The following WDR76 variants were observed in gnomAD, a reference collection of about 807,000 sequenced individuals.
WDR76 encodes the protein WD repeat domain 76.
Under a neutral mutation model 70.2 loss-of-function variants are expected in WDR76, and 52 were observed. The ratio of observed to expected loss-of-function variants is 0.74; its 90% CI spans 0.59 to 0.93. The LOEUF (loss-of-function observed/expected upper bound fraction) is 0.93. WDR76 is among the 40% of genes least tolerant of loss of function. The pLI, the probability that WDR76 is intolerant of heterozygous loss-of-function variation, is 0.00. For missense variants in WDR76, 756 were observed against 760.2 expected, an observed-to-expected ratio of 0.99 and a Z score of 0.07; for synonymous variants, 292 against 271.1, an observed-to-expected ratio of 1.08 and a Z score of -0.76.
chr15:43,866,774 C>T lies in WDR76; in HGVS notation c.*382C>T, dbSNP rs1166720346. The T allele has an allele frequency of 2.4e-5, 4 of 170,142 alleles. No individual in the cohort carries two copies. The South Asian group carries it at 5.7e-4, about 24-fold the overall frequency. The allele number at this position is 170,142 out of a possible 1,614,324, so 10.5% of individuals were successfully genotyped here. On this transcript the variant is annotated 3_prime_UTR_variant, in exon 13 of 13. Transcript: ENST00000263795. Reference sequence around the variant, plus strand: ...CCTAAGTAGCTGGGATTACAGGCACCTGCCACCACGCCTGGCTATTTTTTT... The same window carrying T: ...CCTAAGTAGCTGGGATTACAGGCACTTGCCACCACGCCTGGCTATTTTTTT...
intron 2 of WDR76, among the ~76,000 whole-genome samples, chr15:43,830,903 C>T (rs952512385): frequency 2.6e-5 from 4 of 152,052 alleles, no homozygotes; most frequent in East Asian, 3.9e-4. Context: ...CAAATATTAG[C>T]CAGGCATGGT....
At chr15:43,831,004 T>C (rs1025929538) in intron 2 of WDR76, among the ~76,000 whole-genome samples, 4 of 151,578 alleles carry the variant, frequency 2.6e-5, no homozygotes, top group Non-Finnish European at 5.9e-5. Context: ...GCCGAGATCA[T>C]ACCACTGCAC....
At chr15:43,852,682 C>G (rs950706077) in intron 9 of WDR76, among the ~76,000 whole-genome samples, 2 of 152,036 alleles carry the variant, frequency 1.3e-5, no homozygotes, top group Admixed American at 1.3e-4. Flanking sequence ...TTTGCCTCTT[C>G]TGGACATTTC....
At chr15:43,834,459 C>A (rs368241895) in intron 2 of WDR76, among the ~76,000 whole-genome samples, 15 of 133,136 alleles carry the variant, frequency 1.1e-4, no homozygotes, top group African/African-American at 3.9e-4. Context: ...TGCCACTATA[C>A]CTGGCTAATT....
chr15:43,850,956 G>A, intron 8 of WDR76, 131 bp from the exon 9 acceptor site: 8 of 1,190,256 alleles, frequency 6.7e-6, no homozygotes, highest in Non-Finnish European at 9.3e-6. Flanking sequence ...GGGGAGAGTG[G>A]TTACAATTAT....
At chr15:43,846,310 C>T (rs757043921) in intron 8 of WDR76, among the ~76,000 whole-genome samples, 1 of 147,196 alleles carries the variant, frequency 6.8e-6, no homozygotes, top group Non-Finnish European at 1.5e-5. Flanking sequence ...CCCTGAGATA[C>T]GGTCCCACTC....
intron 2 of WDR76, among the ~76,000 whole-genome samples, chr15:43,830,826 C>T (rs935159206): frequency 6.6e-6 from 1 of 151,928 alleles, no homozygotes; most frequent in Non-Finnish European, 1.5e-5. Context: ...GTGGGTGGAT[C>T]ACTTGAGGTC....
At chr15:43,837,729 T>C (rs749235001) in intron 4 of WDR76, among the ~76,000 whole-genome samples, 1 of 152,142 alleles carries the variant, frequency 6.6e-6, no homozygotes, top group African/African-American at 2.4e-5. Flanking sequence ...ATTTGTGTAG[T>C]TGAAAAATTA....
At chr15:43,846,567 A>ATTG (rs1567187368) in intron 8 of WDR76, among the ~76,000 whole-genome samples, 3 of 135,366 alleles carry the variant, frequency 2.2e-5, no homozygotes, top group Non-Finnish European at 5.3e-5. Flanking sequence ...TACAGGTGTG[A>ATTG]GCCACCACAC....
chr15:43,858,848 T>C (rs1383714668), intron 11 of WDR76, 25 bp downstream of exon 11: 2 of 1,609,536 alleles, frequency 1.2e-6, no homozygotes, highest in South Asian at 1.1e-5. Context: ...CAGAAATGTT[T>C]TTAGGGAATC....
At chr15:43,829,753 G>A (rs1322456470) in intron 2 of WDR76, among the ~76,000 whole-genome samples, 3 of 151,920 alleles carry the variant, frequency 2.0e-5, no homozygotes, top group South Asian at 2.1e-4. Flanking sequence ...TGATCCGCCC[G>A]CCTCGGCCTC....
chr15:43,859,379 T>C (rs992826286), intron 11 of WDR76, among the ~76,000 whole-genome samples: 1 of 152,226 alleles, frequency 6.6e-6, no homozygotes, highest in Admixed American at 6.5e-5. Flanking sequence ...AATAAAGATG[T>C]CGGGAACATT....
chr15:43,839,592 C>G lies in WDR76; in HGVS notation c.609-13C>G. 6.3e-7 allele frequency: 1 copy of G among 1,591,542 alleles called. No homozygotes were observed. The highest frequency in any genetic ancestry group is 8.5e-7 in the Non-Finnish European group (1 of 1,170,300). On this transcript the variant is annotated splice_polypyrimidine_tract_variant and intron_variant, in intron 4 of 12. Transcript: ENST00000263795. ...TTTGTGAGTATAACATGAGTTTTTC[C>G]CCACTCCTTTAGAAAGAAGCCTAAG...
At chr15:43,832,398 T>C (rs558213067) in intron 2 of WDR76, among the ~76,000 whole-genome samples, 1 of 151,554 alleles carries the variant, frequency 6.6e-6, no homozygotes, top group African/African-American at 2.4e-5. Context: ...AAAAAAAAAA[T>C]TGTGATAACA....
At chr15:43,858,580 A>G in intron 10 of WDR76, 91 bp from the exon 11 acceptor site, 1 of 1,483,476 alleles carries the variant, frequency 6.7e-7, no homozygotes, top group Non-Finnish European at 9.1e-7. Flanking sequence ...CAGTATAGCA[A>G]GTATGTGAGT....
chr15:43,857,197 T>C, intron 10 of WDR76, 34 bp downstream of exon 10: 1 of 1,546,336 alleles, frequency 6.5e-7, no homozygotes, highest in South Asian at 1.2e-5. Flanking sequence ...GACTTAGACC[T>C]TTTAATGTCA....
At chr15:43,857,474 A>C in intron 10 of WDR76, 4 of 985,428 alleles carry the variant, frequency 4.1e-6, no homozygotes, top group Non-Finnish European at 4.8e-6. Flanking sequence ...CATGTGACCT[A>C]TAACTTGTTG....
intron 12 of WDR76, 64 bp from the exon 13 acceptor site, chr15:43,866,064 C>G: frequency 6.4e-7 from 1 of 1,574,136 alleles, no homozygotes; most frequent in Non-Finnish European, 8.7e-7. Context: ...CGTCTTTACC[C>G]TCTGCCCAAT....
At chr15:43,832,326 G>A (rs1287796577) in intron 2 of WDR76, among the ~76,000 whole-genome samples, 1 of 152,000 alleles carries the variant, frequency 6.6e-6, no homozygotes, top group East Asian at 1.9e-4. Context: ...CAAGGCTGCA[G>A]TAAGTTATAA....
Sources: gnomAD v4.1 joint callset for allele counts (sites outside exome capture counted in the v4.1 genomes callset) on GRCh38, gnomAD v4.1.1 for gene constraint, MANE v1.5 for transcripts, NCBI Gene and HGNC (gene_info 2026-07-23, HGNC 2026-07-21) for gene names.